PCNX1: variants seen among roughly 807,000 people sequenced by gnomAD.
PCNX1 encodes the protein pecanex-like protein 1.
A neutral mutation model predicts 242.2 loss-of-function variants in PCNX1; 78 were observed. The observed-to-expected ratio is 0.32, with a 90% confidence interval of 0.27 to 0.39. The LOEUF (loss-of-function observed/expected upper bound fraction) is 0.39, where lower values mean the gene tolerates loss of function less well. Ranked by LOEUF, PCNX1 falls within the 10% of genes least tolerant of loss-of-function variation. The pLI, the probability that PCNX1 is intolerant of heterozygous loss-of-function variation, is 1.00. For missense variants in PCNX1, 2,581 were observed against 2,856.5 expected (o/e 0.90, Z 2.20); for synonymous variants, 1,024 against 1,032.9 (o/e 0.99, Z 0.17).
At chr14:70,929,874 A>T (rs2056726194) in intron 1 of PCNX1, among the ~76,000 whole-genome samples, 1 of 152,250 alleles carries the variant, frequency 6.6e-6, no homozygotes, top group Non-Finnish European at 1.5e-5. Flanking sequence ...AGTAGAAAGG[A>T]TATACGTAAC....
intron 6 of PCNX1, among the ~76,000 whole-genome samples, chr14:70,984,038 G>C (rs1396499275): frequency 2.6e-5 from 4 of 151,344 alleles, no homozygotes; most frequent in Admixed American, 2.0e-4. Context: ...ACATTACAAT[G>C]TGTTTCAGAA....
chr14:71,109,993 AAGAG>A lies in PCNX1; in HGVS notation c.*61_*64del. 8.1e-6 allele frequency: 12 copies of A among 1,486,008 alleles called. No individual in the cohort carries two copies. The highest frequency in any genetic ancestry group is 1.0e-5 in the Non-Finnish European group (11 of 1,064,246). 92.1% of individuals were successfully genotyped at this position (1,486,008 alleles called of 1,614,324 possible). ...CCTCTCAATTCCAAGGCATTGGAAA[AAGAG>A]AGGAACAAGCAGAAGATGCCTGCAG... On this transcript the variant is annotated 3_prime_UTR_variant, in exon 36 of 36. Transcript: ENST00000304743.
At chr14:71,072,146 G>T (rs572950425) in intron 26 of PCNX1, among the ~76,000 whole-genome samples, 1 of 152,178 alleles carries the variant, frequency 6.6e-6, no homozygotes, top group Non-Finnish European at 1.5e-5. Flanking sequence ...GAGACAGGAA[G>T]TGAGCACATG....
chr14:70,941,621 A>G (rs983934021), intron 1 of PCNX1, among the ~76,000 whole-genome samples: 4 of 152,142 alleles, frequency 2.6e-5, no homozygotes, highest in African/African-American at 9.7e-5. Context: ...TCAGATCTCA[A>G]ACTCTGTGCT....
rs755700488 is a variant in PCNX1 at position 71,114,457 on chromosome 14, A to T, written c.*4522A>T. On this transcript the variant is annotated 3_prime_UTR_variant, in exon 36 of 36. Coordinates refer to ENST00000304743, the MANE Select transcript of PCNX1 (RefSeq NM_014982.3). ...TATATTTTCTACTTTGAATCACCTC[A>T]CCAGAGTCATCTGTCAAGAATTATG... The T allele has an allele frequency of 6.6e-6, 1 of 152,302 alleles. No homozygotes were observed. Among genetic ancestry groups the T allele is most frequent in the Non-Finnish European group, 1.5e-5 (1 of 68,024 alleles). The allele number at this position is 152,302 out of a possible 1,614,324, so 9.4% of individuals were successfully genotyped here.
At chr14:71,094,681 C>T (rs1230834909) in intron 30 of PCNX1, among the ~76,000 whole-genome samples, 1 of 152,084 alleles carries the variant, frequency 6.6e-6, no homozygotes, top group Admixed American at 6.5e-5. Context: ...AATCCCAGCA[C>T]CGTTGGGAGG....
At chr14:70,914,394 A>T (rs562419824) in intron 1 of PCNX1, among the ~76,000 whole-genome samples, 3 of 152,268 alleles carry the variant, frequency 2.0e-5, no homozygotes, top group Middle Eastern at 3.4e-3. Flanking sequence ...AAAGTGTATT[A>T]ATTTACAAAA....
chr14:71,049,784 G>A (rs895327760), intron 22 of PCNX1, among the ~76,000 whole-genome samples: 9 of 152,168 alleles, frequency 5.9e-5, no homozygotes, highest in African/African-American at 1.2e-4. Context: ...AGTTAAGTTC[G>A]TTTGTAAATC....
At chr14:70,988,796 T>G in intron 7 of PCNX1, 97 bp downstream of exon 7, 1 of 1,389,336 alleles carries the variant, frequency 7.2e-7, no homozygotes, top group South Asian at 1.4e-5. Context: ...AGCTTTGTTT[T>G]TCTTTTCCTT....
rs1188362039 is a variant in PCNX1 at position 70,969,025 on chromosome 14, T to TA, written c.520dup (p.Thr174AsnfsTer5). 1.3e-6 allele frequency: 2 copies of TA among 1,592,370 alleles called. No individual in the cohort carries two copies. On this transcript the variant is annotated frameshift_variant, in exon 5 of 36. Coordinates refer to ENST00000304743, the MANE Select transcript of PCNX1 (RefSeq NM_014982.3). LOFTEE classifies it high-confidence loss of function. ...ATGTTTCTCTTAACTTTGTAGGAGA[T>TA]ACAGACACTGCTAAGACTTCTGATG...
chr14:70,999,656 T>G (rs2059447254), intron 8 of PCNX1, among the ~76,000 whole-genome samples: 1 of 152,200 alleles, frequency 6.6e-6, no homozygotes, highest in Non-Finnish European at 1.5e-5. Flanking sequence ...GTAATCTGCT[T>G]TATTCTAGAG....
At chr14:70,947,171 T>C in intron 2 of PCNX1, 48 bp downstream of exon 2, 8 of 1,319,770 alleles carry the variant, frequency 6.1e-6, no homozygotes, top group Non-Finnish European at 7.5e-6. Context: ...TAGATTGTGT[T>C]ATCTGTATAA....
In PCNX1 at chr14:70,941,963, T is replaced by G. The variant is rs552614254; in HGVS notation, c.154-4952T>G. On this transcript the variant is annotated intron_variant, in intron 1 of 35. Transcript: ENST00000304743. The stretch of plus-strand genomic sequence containing the variant: ...GGATATAATCTCCTGGTGTGTTGTT[T>G]GCTAAGACCATTGGAAAAGCACAGT... 3.3e-5 allele frequency among the ~76,000 whole-genome samples: 5 copies of G among 152,300 alleles called. No individual in the cohort carries two copies. In the South Asian group the frequency reaches 1.0e-3, roughly 32 times the overall value.
intron 1 of PCNX1, among the ~76,000 whole-genome samples, chr14:70,920,977 G>T (rs2056352657): frequency 6.6e-6 from 1 of 152,050 alleles, no homozygotes; most frequent in Non-Finnish European, 1.5e-5. Flanking sequence ...TCTTTGTTCT[G>T]GGGAAAAGAT....
chr14:70,932,185 T>C (rs2056826788), intron 1 of PCNX1, among the ~76,000 whole-genome samples: 1 of 152,218 alleles, frequency 6.6e-6, no homozygotes. Context: ...GTTTTAAATT[T>C]GGAAACGAAA....
chr14:70,991,078 C>T lies in PCNX1; in HGVS notation c.2444+2379C>T, dbSNP rs555558978. Reference sequence around the variant, plus strand: ...TGCAGACAAATTAGTTTTTTGTCCTCTACTAGGTGGAATATTAAAGAGCTG... The same window carrying T: ...TGCAGACAAATTAGTTTTTTGTCCTTTACTAGGTGGAATATTAAAGAGCTG... On this transcript the variant is annotated intron_variant, in intron 7 of 35. Coordinates refer to ENST00000304743, the MANE Select transcript of PCNX1 (RefSeq NM_014982.3). Among the ~76,000 whole-genome samples the T allele has an allele frequency of 2.6e-5, 4 of 152,148 alleles. No homozygotes were observed. In the East Asian group the frequency reaches 7.7e-4, roughly 29 times the overall value.
At chr14:71,011,821 C>G in intron 10 of PCNX1, 2 of 361,124 alleles carry the variant, frequency 5.5e-6, no homozygotes, top group Non-Finnish European at 1.0e-5. Context: ...ATAGAAATGG[C>G]TGTGTTATAT....
chr14:70,933,710 G>A (rs2056890014), intron 1 of PCNX1, among the ~76,000 whole-genome samples: 1 of 152,142 alleles, frequency 6.6e-6, no homozygotes, highest in Non-Finnish European at 1.5e-5. Context: ...TCCCTATCTT[G>A]AAAATGAGAA....
intron 17 of PCNX1, 22 bp from the exon 18 acceptor site, chr14:71,033,909 G>GT (rs11461235): frequency 0.45 from 544,174 of 1,215,686 alleles, 104,039 homozygotes; most frequent in African/African-American, 0.69. Flanking sequence ...TGTATTTTCT[G>GT]TTTTTTTTTC....
Sources: allele counts gnomAD v4.1 joint callset (sites outside exome capture counted in the v4.1 genomes callset), GRCh38; gene constraint gnomAD v4.1.1; transcripts MANE v1.5; gene names NCBI Gene and HGNC (gene_info 2026-07-23, HGNC 2026-07-21).